The following TOX variants were observed in gnomAD, a reference collection of about 807,000 sequenced individuals.
TOX encodes thymocyte selection-associated high mobility group box protein TOX.
TOX carries 11 observed loss-of-function variants against 53.7 expected under a neutral mutation model. The ratio of observed to expected loss-of-function variants is 0.20; its 90% CI spans 0.13 to 0.34. The LOEUF is 0.34. Ranked by LOEUF, TOX falls within the 10% of genes least tolerant of loss-of-function variation. The pLI is 1.00. For synonymous variants in TOX, 225 were observed against 245.3 expected, an observed-to-expected ratio of 0.92 and a Z score of 0.77; for missense variants, 570 against 664.6, an observed-to-expected ratio of 0.86 and a Z score of 1.56.
chr8:58,924,893 T>G (rs1431741734), intron 3 of TOX, among the ~76,000 whole-genome samples: 3 of 152,236 alleles, frequency 2.0e-5, no homozygotes, highest in African/African-American at 7.2e-5. Flanking sequence ...TTTTTTGGAA[T>G]AGTTTCACAT....
chr8:58,935,926 A>G (rs1812335987), intron 3 of TOX, among the ~76,000 whole-genome samples: 1 of 152,206 alleles, frequency 6.6e-6, no homozygotes, highest in African/African-American at 2.4e-5. Flanking sequence ...ATATTTGTGG[A>G]TGCAAAAATG....
intron 4 of TOX, among the ~76,000 whole-genome samples, chr8:58,839,726 T>A (rs780635703): frequency 6.6e-6 from 1 of 152,198 alleles, no homozygotes; most frequent in Non-Finnish European, 1.5e-5. Context: ...CCTTCTATTG[T>A]GGTGGTTGTA....
chr8:59,112,104 T>C (rs1036713684), intron 1 of TOX, among the ~76,000 whole-genome samples: 2 of 152,174 alleles, frequency 1.3e-5, no homozygotes, highest in Non-Finnish European at 2.9e-5. Flanking sequence ...GTGTGGGAAA[T>C]AGTGATACCT....
chr8:58,907,144 C>A (rs1328716485), intron 3 of TOX, among the ~76,000 whole-genome samples: 1 of 152,200 alleles, frequency 6.6e-6, no homozygotes, highest in Non-Finnish European at 1.5e-5. Flanking sequence ...TTTCCCTTGC[C>A]ACCTACATCT....
chr8:59,040,156 C>T (rs1317622362), intron 1 of TOX, among the ~76,000 whole-genome samples: 5 of 151,732 alleles, frequency 3.3e-5, no homozygotes, highest in Admixed American at 1.3e-4. Context: ...GGTGAAACCC[C>T]GTCTCTACTA....
intron 1 of TOX, among the ~76,000 whole-genome samples, chr8:59,114,270 G>C (rs1190267774): frequency 1.3e-5 from 2 of 152,146 alleles, no homozygotes; most frequent in Non-Finnish European, 2.9e-5. Context: ...ATGATAAACT[G>C]TGAGAATACT....
chr8:58,868,618 T>A (rs963034971), intron 3 of TOX, among the ~76,000 whole-genome samples: 2 of 152,010 alleles, frequency 1.3e-5, no homozygotes, highest in African/African-American at 4.8e-5. Flanking sequence ...AACATATGAA[T>A]AACTTAAGAA....
chr8:58,864,639 A>G (rs917407847), intron 3 of TOX, among the ~76,000 whole-genome samples: 4 of 152,164 alleles, frequency 2.6e-5, no homozygotes, highest in Non-Finnish European at 5.9e-5. Context: ...ACTGACAAAC[A>G]TTTCCATCAA....
chr8:58,833,705 T>C (rs1313212457), intron 5 of TOX, among the ~76,000 whole-genome samples: 3 of 152,256 alleles, frequency 2.0e-5, no homozygotes, highest in Non-Finnish European at 4.4e-5. Flanking sequence ...AGTATGCTTC[T>C]GAAATGGGCT....
chr8:59,113,115 T>C (rs1805047100), intron 1 of TOX, among the ~76,000 whole-genome samples: 1 of 152,224 alleles, frequency 6.6e-6, no homozygotes, highest in African/African-American at 2.4e-5. Context: ...TGAGAATACA[T>C]CCACATGCTA....
At chr8:59,103,960 T>C (rs1804851787) in intron 1 of TOX, among the ~76,000 whole-genome samples, 1 of 152,220 alleles carries the variant, frequency 6.6e-6, no homozygotes, top group South Asian at 2.1e-4. Flanking sequence ...AATCTGCATG[T>C]AGACTACAAC....
intron 7 of TOX, among the ~76,000 whole-genome samples, chr8:58,812,450 G>A (rs952575391): frequency 6.6e-6 from 1 of 151,980 alleles, no homozygotes; most frequent in African/African-American, 2.4e-5. Flanking sequence ...CCCTTTCCTG[G>A]CTGCTGCTGT....
intron 1 of TOX, among the ~76,000 whole-genome samples, chr8:59,016,901 G>T (rs900338739): frequency 2.0e-5 from 3 of 152,176 alleles, no homozygotes; most frequent in Admixed American, 1.3e-4. Context: ...TAGCTTTGTA[G>T]AGTGTGCGCC....
In TOX at chr8:59,068,337, C is replaced by T. The variant is rs184859324; in HGVS notation, c.102+50549G>A. ...GTTAAATATAATATAGTCTCAGTGT[C>T]CACAGAGTTTATCTAGTGGGGGAGA... On this transcript the variant is annotated intron_variant, in intron 1 of 8. Transcript: ENST00000361421. 1.3e-4 allele frequency among the ~76,000 whole-genome samples: 20 copies of T among 150,648 alleles called. No homozygotes were observed. The East Asian group carries it at 3.1e-3, about 24-fold the overall frequency.
chr8:59,095,994 C>T (rs900450405), intron 1 of TOX, among the ~76,000 whole-genome samples: 1 of 152,090 alleles, frequency 6.6e-6, no homozygotes, highest in Non-Finnish European at 1.5e-5. Flanking sequence ...TTTCCTTAGC[C>T]GTGAAATGGA....
chr8:59,016,318 A>G (rs190341229), intron 1 of TOX, among the ~76,000 whole-genome samples: 1 of 152,294 alleles, frequency 6.6e-6, no homozygotes, highest in Admixed American at 6.5e-5. Context: ...TTTTATTTAC[A>G]TAACTCACTT....
chr8:58,957,126 A>G (rs890907551), intron 2 of TOX, among the ~76,000 whole-genome samples: 1 of 152,158 alleles, frequency 6.6e-6, no homozygotes, highest in African/African-American at 2.4e-5. Flanking sequence ...CAAACTCTTA[A>G]CGGGACAAAG....
At position 59,118,908 on chromosome 8, in the gene TOX, A is replaced by C. The variant is rs746721339; in HGVS notation, c.80T>G (p.Leu27Arg). The C allele has an allele frequency of 1.3e-6, 2 of 1,595,138 alleles. No individual in the cohort carries two copies. The highest frequency in any genetic ancestry group is 3.4e-5 in the Admixed American group (2 of 58,454). The stretch of plus-strand genomic sequence containing the variant: ...CACCTTGTTGCAATAGTAGGGGTCC[A>C]GGCAGGGAGAAGGTCCCAGACAGGG... Reference protein sequence around the residue: ...DAPCLGPSPCLDPYYCNKFDG... With the variant: ...DAPCLGPSPCRDPYYCNKFDG... The change falls in exon 1 of 9, where the codon CTG (leucine) becomes CGG (arginine). Residue 27 changes from leucine to arginine, a missense_variant. Coordinates refer to ENST00000361421, the MANE Select transcript of TOX (RefSeq NM_014729.3). This position sits in a 1 kb window ranked among gnomAD's most constrained non-coding sequence, Gnocchi z 4.1.
In TOX at chr8:58,807,121, A is replaced by T. The variant is rs1467448772; in HGVS notation, c.*626T>A. 6.6e-6 allele frequency: 1 copy of T among 152,658 alleles called. No homozygotes were observed. Among genetic ancestry groups the T allele is most frequent in the East Asian group, 1.9e-4 (1 of 5,208 alleles). 9.5% of individuals were successfully genotyped at this position (152,658 alleles called of 1,614,324 possible). A position where few individuals can be genotyped will look rare whatever the true frequency, so the allele number is the denominator to read the frequency against. On this transcript the variant is annotated 3_prime_UTR_variant, in exon 9 of 9. Coordinates refer to ENST00000361421, the MANE Select transcript of TOX (RefSeq NM_014729.3). ...ATGAGACAAAGCCAATTTGTTTTTA[A>T]ATTAAAATCACTTGGGAATACTTTT...
Sources: gnomAD v4.1 joint callset for allele counts (sites outside exome capture counted in the v4.1 genomes callset) on GRCh38, gnomAD v4.1.1 for gene constraint, Gnocchi (gnomAD v3.1) non-coding constraint, MANE v1.5 for transcripts, NCBI Gene and HGNC (gene_info 2026-07-23, HGNC 2026-07-21) for gene names.